The following SLC45A1 variants were observed in gnomAD, a reference collection of about 807,000 sequenced individuals.
The protein encoded by SLC45A1 is solute carrier family 45 member 1.
SLC45A1 carries 28 observed loss-of-function variants against 57.6 expected under a neutral mutation model. The observed-to-expected ratio is 0.49, with a 90% CI of 0.36 to 0.67. SLC45A1 has a LOEUF of 0.67. Among genes scored for constraint, SLC45A1 ranks in the 30% least tolerant of loss-of-function variants. SLC45A1 has a pLI of 0.00. For synonymous variants in SLC45A1, 459 were observed against 471.5 expected (o/e 0.97, Z 0.34); for missense variants, 814 against 1,041.5 (o/e 0.78, Z 3.01).
rs2124300421 is a variant in SLC45A1, at chr1:8,328,915, T to TCCCCC, written c.716-1293_716-1292insCCCCC. Among the ~76,000 whole-genome samples the TCCCCC allele has an allele frequency of 1.3e-5, 2 of 152,236 alleles. No homozygotes were observed. Among genetic ancestry groups the TCCCCC allele is most frequent in the African/African-American group, 4.8e-5 (2 of 41,522 alleles). ...ATAAGGGTCACGAACAGCAATGGTG[T>TCCCCC]CTTTCAGGAGGGGAGGAGGGAAGGC... On this transcript the variant is annotated intron_variant, in intron 4 of 8. Coordinates refer to ENST00000471889, the MANE Select transcript of SLC45A1 (RefSeq NM_001080397.3). This position sits in a 1 kb window ranked among gnomAD's most constrained non-coding sequence, Gnocchi z 4.6.
At chr1:8,338,708 G>A (rs1159879942) in intron 7 of SLC45A1, among the ~76,000 whole-genome samples, 3 of 152,252 alleles carry the variant, frequency 2.0e-5, no homozygotes, top group African/African-American at 7.2e-5. Flanking sequence ...CACTGTGTTC[G>A]CTGAAATACG....
chr1:8,324,290 CG>C lies in SLC45A1; in HGVS notation c.-24-13del. On this transcript the variant is annotated splice_polypyrimidine_tract_variant and intron_variant, in intron 1 of 8. Transcript: ENST00000471889. ...GGCAAAAGTAACTGTGGCCTCCCCA[CG>C]GGCTTTCCTCACAGGGACGCCCACC... 2 of 1,595,344 alleles carry C rather than the reference CG, an allele frequency of 1.3e-6. No homozygotes were observed. Among genetic ancestry groups the C allele is most frequent in the Non-Finnish European group, 1.7e-6 (2 of 1,169,592 alleles).
Position 8,339,584 on chromosome 1 carries a change from C to T in SLC45A1, c.1866C>T (p.Thr622=). The change falls in exon 8 of 9, where the codon ACC becomes ACT. Residue 622 remains threonine, a synonymous_variant. Transcript: ENST00000471889. ...LAFGLGTGLA[T]LSRNLYVVLS... ...TCGGCCTGGGGACCGGGCTTGCCAC[C>T]CTCTCCAGGAACCTCTACGTGGTCC... is the stretch of plus-strand genomic sequence containing the variant. 6.2e-7 allele frequency: 1 copy of T among 1,614,244 alleles called. No individual in the cohort carries two copies. The highest frequency in any genetic ancestry group is 8.5e-7 in the Non-Finnish European group (1 of 1,180,038).
At chr1:8,320,109 C>T (rs1350908501) in intron 1 of SLC45A1, among the ~76,000 whole-genome samples, 1 of 152,050 alleles carries the variant, frequency 6.6e-6, no homozygotes, top group African/African-American at 2.4e-5. Flanking sequence ...AATGCTGATC[C>T]CCAGATTTGA....
chr1:8,340,994 C>T (rs1640790963), intron 8 of SLC45A1, among the ~76,000 whole-genome samples: 1 of 151,896 alleles, frequency 6.6e-6, no homozygotes, highest in Non-Finnish European at 1.5e-5. Flanking sequence ...AGATTGAGAC[C>T]ATCCTGGCTA....
intron 8 of SLC45A1, among the ~76,000 whole-genome samples, chr1:8,340,514 A>G (rs904870082): frequency 2.6e-5 from 4 of 152,224 alleles, no homozygotes; most frequent in African/African-American, 9.6e-5. Flanking sequence ...GGGTTCTGAT[A>G]GCCAGCTCAG....
chr1:8,320,487 T>A (rs1639968971), intron 1 of SLC45A1, among the ~76,000 whole-genome samples: 1 of 152,020 alleles, frequency 6.6e-6, no homozygotes, highest in Non-Finnish European at 1.5e-5. Context: ...TACAAAAAAA[T>A]ACAAGAATTA....
chr1:8,330,315 G>T lies in SLC45A1; in HGVS notation c.822G>T (p.Ala274=), dbSNP rs144351866. The change falls in exon 5 of 9, where the codon GCG becomes GCT. Residue 274 remains alanine (A), a synonymous_variant. Transcript: ENST00000471889. The surrounding 1 kb of genome is among the most constrained non-coding windows in gnomAD (Gnocchi z 8.4). ...TCCGAGTCATTTACCTCTTCACTGC[G>T]GTCACCCTGAGCGTCACCACCGTCC... ...GQLRVIYLFT[A]VTLSVTTVLT... is the part of the protein sequence containing the mutation. 2.8e-5 allele frequency: 45 copies of T among 1,613,470 alleles called. No homozygotes were observed. Among genetic ancestry groups the T allele is most frequent in the Non-Finnish European group, 3.5e-5 (41 of 1,179,992 alleles).
In SLC45A1 at chr1:8,330,586, G is replaced by T. The variant is rs753437408; in HGVS notation, c.1093G>T (p.Ala365Ser). 1 of 1,613,554 alleles carries T rather than the reference G, an allele frequency of 6.2e-7. No individual in the cohort carries two copies. The highest frequency in any genetic ancestry group is 2.2e-5 in the East Asian group (1 of 44,872). Residue 365 changes from alanine (A) to serine (S), a missense_variant, in exon 5 of 9, where the codon GCC becomes TCC. By Grantham distance (99) the Ala-to-Ser change is moderately conservative (BLOSUM62 1). Transcript: ENST00000471889. This position sits in a 1 kb window ranked among gnomAD's most constrained non-coding sequence, Gnocchi z 8.4. ...DSSLTGISEFASSFGTANIDS... is the reference protein window; with the variant it reads ...DSSLTGISEFSSSFGTANIDS... ...CTCCCTGACGGGCATCAGCGAGTTC[G>T]CCTCATCCTTTGGCACGGCCAACAT...
Position 8,330,826 on chromosome 1 carries a change from C to T in SLC45A1, c.1333C>T (p.Pro445Ser), listed in dbSNP as rs893702427. The change falls in exon 5 of 9, where the codon CCG (proline) becomes TCG (serine). Residue 445 changes from proline to serine, a missense_variant. Transcript: ENST00000471889. The surrounding 1 kb of genome is among the most constrained non-coding windows in gnomAD (Gnocchi z 8.4). ...GGTGGGCTCCTTGGACACCTCTAAG[C>T]CGAGGTCATCAGGGATTCTGAAGAG... ...LRVGSLDTSK[P>S]RSSGILKRPQ... 3 of 1,613,374 alleles carry T rather than the reference C, an allele frequency of 1.9e-6. No individual in the cohort carries two copies. Among genetic ancestry groups the T allele is most frequent in the African/African-American group, 2.7e-5 (2 of 74,932 alleles).
chr1:8,319,335 G>A lies in SLC45A1; in HGVS notation c.-25+1149G>A, dbSNP rs553517477. On this transcript the variant is annotated intron_variant, in intron 1 of 8. Transcript: ENST00000471889. The stretch of plus-strand genomic sequence containing the variant: ...AAGGGAGGTGGCCCAAGGCAACCCC[G>A]TGGGGGGAGCTCATTTTCATAACGA... Among the ~76,000 whole-genome samples the A allele has an allele frequency of 3.9e-5, 6 of 152,314 alleles. No individual in the cohort carries two copies. In the East Asian group the frequency reaches 1.2e-3, roughly 29 times the overall value.
At chr1:8,319,779 C>T (rs187113108) in intron 1 of SLC45A1, among the ~76,000 whole-genome samples, 2,074 of 152,130 alleles carry the variant, frequency 0.014, 55 homozygotes, top group African/African-American at 0.046. Context: ...TGCAGTGGTG[C>T]GATCTCAGCT....
rs1474152872 is a variant in SLC45A1 at position 8,330,088 on chromosome 1, G to T, written c.716-121G>T. 47 of 1,274,660 alleles carry T rather than the reference G, an allele frequency of 3.7e-5. No individual in the cohort carries two copies. The South Asian group carries it at 6.5e-4, about 18-fold the overall frequency. 79.0% of individuals were successfully genotyped at this position (1,274,660 alleles called of 1,614,324 possible). A position where few individuals can be genotyped will look rare whatever the true frequency, so the allele number is the denominator to read the frequency against. On this transcript the variant is annotated intron_variant, in intron 4 of 8. Coordinates refer to ENST00000471889, the MANE Select transcript of SLC45A1 (RefSeq NM_001080397.3). The surrounding 1 kb of genome is among the most constrained non-coding windows in gnomAD (Gnocchi z 8.4). ...TTTTGTTGGGGTTTAGGTGGAACAG[G>T]TTCTGTGCCCACGTCCCTGGAATGG...
intron 1 of SLC45A1, among the ~76,000 whole-genome samples, chr1:8,319,456 G>A (rs772208691): frequency 1.3e-5 from 2 of 152,130 alleles, no homozygotes; most frequent in African/African-American, 2.4e-5. Context: ...ATCATTTGCC[G>A]CTTAAACTTC....
intron 2 of SLC45A1, 31 bp downstream of exon 2, chr1:8,324,757 G>C: frequency 6.5e-7 from 1 of 1,540,314 alleles, no homozygotes; most frequent in Non-Finnish European, 8.8e-7. Flanking sequence ...GATGGTGGAG[G>C]GCCTCTGGAA....
intron 5 of SLC45A1, among the ~76,000 whole-genome samples, chr1:8,332,653 G>A (rs545858071): frequency 3.3e-5 from 5 of 151,568 alleles, no homozygotes; most frequent in South Asian, 4.2e-4. Context: ...CTGGGACTAC[G>A]GGCACCCACC....
rs527875430 is a variant in SLC45A1 at position 8,343,511 on chromosome 1, C to T, written c.1981-236C>T. On this transcript the variant is annotated intron_variant, in intron 8 of 8. Coordinates refer to ENST00000471889, the MANE Select transcript of SLC45A1 (RefSeq NM_001080397.3). The surrounding 1 kb of genome is among the most constrained non-coding windows in gnomAD (Gnocchi z 7.7). The stretch of plus-strand genomic sequence containing the variant: ...GAAAGTGTCTCCCGCCACCTCGGCC[C>T]GTGGGAGCTCAGCCCTCTGCCCCAT... Among the ~76,000 whole-genome samples the T allele has an allele frequency of 1.4e-4, 22 of 152,262 alleles. No individual in the cohort carries two copies. In the South Asian group the frequency reaches 2.3e-3, roughly 16 times the overall value.
At chr1:8,324,136 C>A (rs1374027860) in intron 1 of SLC45A1, among the ~76,000 whole-genome samples, 170 bp from the exon 2 acceptor site, 1 of 152,112 alleles carries the variant, frequency 6.6e-6, no homozygotes, top group Admixed American at 6.5e-5. Flanking sequence ...CCTCCTGGGG[C>A]AGAGGAGCTG....
At position 8,324,356 on chromosome 1, in the gene SLC45A1, G is replaced by T. The variant is rs746109782; in HGVS notation, c.27G>T (p.Pro9=). The change falls in exon 2 of 9, where the codon CCG becomes CCT. Residue 9 remains proline (P), a synonymous_variant. Transcript: ENST00000471889. MIPAASST[P]PGDALFPSVA... is the part of the protein sequence containing the mutation. ...TGATCCCCGCAGCCAGCAGCACCCCGCCGGGAGATGCCCTCTTCCCCAGCG... is the reference window on the plus strand; with the variant it reads ...TGATCCCCGCAGCCAGCAGCACCCCTCCGGGAGATGCCCTCTTCCCCAGCG... 2 of 1,612,584 alleles carry T rather than the reference G, an allele frequency of 1.2e-6. No individual in the cohort carries two copies. Among genetic ancestry groups the T allele is most frequent in the Non-Finnish European group, 1.7e-6 (2 of 1,179,898 alleles).
Sources: gnomAD v4.1 joint callset for allele counts (sites outside exome capture counted in the v4.1 genomes callset) on GRCh38, gnomAD v4.1.1 for gene constraint, Gnocchi (gnomAD v3.1) non-coding constraint, MANE v1.5 for transcripts, NCBI Gene and HGNC (gene_info 2026-07-23, HGNC 2026-07-21) for gene names.